Variants in ADGRV1 observed in about 807,000 individuals in gnomAD.
The protein encoded by ADGRV1 is adhesion G protein-coupled receptor V1.
ADGRV1 carries 359 observed loss-of-function variants against 596.2 expected under a neutral mutation model. That is an observed-to-expected ratio of 0.60 (90% CI 0.55 to 0.66). The LOEUF is 0.66. Ranked by LOEUF, ADGRV1 falls within the 30% of genes least tolerant of loss-of-function variation. ADGRV1 has a pLI of 0.00. For missense variants in ADGRV1, 7,274 were observed against 7,575.6 expected (o/e 0.96, Z 1.48); for synonymous variants, 2,681 against 2,679.2 (o/e 1.00, Z -0.02).
intron 38 of ADGRV1, among the ~76,000 whole-genome samples, chr5:90,706,638 T>C (rs562383171): frequency 1.3e-5 from 2 of 151,820 alleles, no homozygotes; most frequent in East Asian, 3.9e-4. Flanking sequence ...ATAACATAAG[T>C]GGTAACATTT....
chr5:90,797,287 C>CAAAAAAAAAAAAAAA (rs780696194), intron 70 of ADGRV1, among the ~76,000 whole-genome samples: 104 of 26,242 alleles, frequency 4.0e-3, no homozygotes, highest in African/African-American at 6.2e-3. Flanking sequence ...AAATGAAAAG[C>CAAAAAAAAAAAAAAA]AAAAAAAAAA....
intron 85 of ADGRV1, among the ~76,000 whole-genome samples, chr5:91,051,704 G>T (rs1393983264): frequency 6.6e-6 from 1 of 151,816 alleles, no homozygotes; most frequent in African/African-American, 2.4e-5. Context: ...CCGCCACCAT[G>T]CCCAGCTAAT....
intron 73 of ADGRV1, among the ~76,000 whole-genome samples, chr5:90,809,293 T>TACACACACACACAC (rs60659185): frequency 0.11 from 14,897 of 134,434 alleles, 993 homozygotes; most frequent in East Asian, 0.15. Context: ...CGGGCATAAA[T>TACACACACACACAC]ACACACACAC....
chr5:91,064,825 C>T (rs1787747495), intron 85 of ADGRV1, among the ~76,000 whole-genome samples: 1 of 152,132 alleles, frequency 6.6e-6, no homozygotes, highest in Non-Finnish European at 1.5e-5. Context: ...AATTAATGTG[C>T]TTAAAGTGTT....
At chr5:90,911,366 C>T (rs1172168935) in intron 83 of ADGRV1, among the ~76,000 whole-genome samples, 1 of 152,106 alleles carries the variant, frequency 6.6e-6, no homozygotes, top group East Asian at 1.9e-4. Flanking sequence ...TAGGAAGCAC[C>T]AGTGTGTCTC....
intron 1 of ADGRV1, among the ~76,000 whole-genome samples, chr5:90,570,007 A>G (rs1756315646): frequency 1.3e-5 from 2 of 152,074 alleles, no homozygotes; most frequent in South Asian, 4.1e-4. Flanking sequence ...GCCATCTTTT[A>G]TATTTATCTG....
intron 85 of ADGRV1, among the ~76,000 whole-genome samples, chr5:91,008,230 C>G (rs1228178672): frequency 6.6e-6 from 1 of 152,054 alleles, no homozygotes; most frequent in Non-Finnish European, 1.5e-5. Flanking sequence ...AGCTGACTTC[C>G]GTGGTCAGGA....
rs1174871731 is a variant in ADGRV1, at chr5:91,011,511, T to G, written c.18152+25989T>G. Among the ~76,000 whole-genome samples the G allele has an allele frequency of 6.6e-5, 10 of 151,966 alleles. No homozygotes were observed. The East Asian group carries it at 1.9e-3, about 29-fold the overall frequency. On this transcript the variant is annotated intron_variant, in intron 85 of 89. Transcript: ENST00000405460. ...TTCTAGGGAATTTCACTCCACATTT[T>G]ACCTCATCTATTTAGAACATTATGA...
intron 86 of ADGRV1, among the ~76,000 whole-genome samples, chr5:91,098,130 G>A (rs543651441): frequency 4.6e-5 from 7 of 152,124 alleles, no homozygotes; most frequent in Non-Finnish European, 8.8e-5. Context: ...TTGAATTATA[G>A]ACAGCAGAGA....
At chr5:90,942,722 A>G (rs945667536) in intron 83 of ADGRV1, among the ~76,000 whole-genome samples, 1 of 152,122 alleles carries the variant, frequency 6.6e-6, no homozygotes, top group Non-Finnish European at 1.5e-5. Flanking sequence ...CTTATTTTTC[A>G]AGAGAAATTG....
intron 83 of ADGRV1, among the ~76,000 whole-genome samples, chr5:90,939,480 C>T (rs11749470): frequency 0.42 from 64,198 of 151,954 alleles, 14,777 homozygotes; most frequent in Non-Finnish European, 0.52. Context: ...ACTCTAGGCT[C>T]ACAGCTGACT....
chr5:91,051,191 A>G (rs573845214), intron 85 of ADGRV1, among the ~76,000 whole-genome samples: 1 of 152,342 alleles, frequency 6.6e-6, no homozygotes, highest in East Asian at 1.9e-4. Context: ...AACTGAAGAT[A>G]CTGATTATAT....
chr5:90,762,387 C>T (rs1756605770), intron 58 of ADGRV1, among the ~76,000 whole-genome samples: 1 of 152,110 alleles, frequency 6.6e-6, no homozygotes, highest in South Asian at 2.1e-4. Context: ...AATAGAAGCT[C>T]ATTTCAGTTT....
intron 41 of ADGRV1, among the ~76,000 whole-genome samples, 186 bp from the exon 42 acceptor site, chr5:90,712,101 T>G (rs1749439818): frequency 6.6e-6 from 1 of 152,184 alleles, no homozygotes. Context: ...TCTTAATTTT[T>G]ACTTTTTAAA....
intron 83 of ADGRV1, among the ~76,000 whole-genome samples, chr5:90,886,528 G>A (rs983533907): frequency 1.3e-5 from 2 of 152,058 alleles, no homozygotes; most frequent in Admixed American, 6.6e-5. Context: ...ATACTCTCTC[G>A]ATAAATGATC....
At chr5:90,675,145 C>T in intron 23 of ADGRV1, 98 bp from the exon 24 acceptor site, 1 of 955,426 alleles carries the variant, frequency 1.0e-6, no homozygotes, top group Non-Finnish European at 1.5e-6. Context: ...AGAATTTTGG[C>T]CTGGTGATCA....
chr5:91,064,423 G>C lies in ADGRV1; in HGVS notation c.18153-8024G>C, dbSNP rs184514850. Among the ~76,000 whole-genome samples, 33 of 152,234 alleles carry C rather than the reference G, an allele frequency of 2.2e-4. 1 individual carries two copies. The East Asian group carries it at 3.7e-3, about 17-fold the overall frequency. ...ATGGGTTCTAGTTATGTTTCAGTGG[G>C]ATAATGCATGTGAGGATTGGGTTTC... On this transcript the variant is annotated intron_variant, in intron 85 of 89. Transcript: ENST00000405460.
At chr5:90,915,746 G>A (rs765201310) in intron 83 of ADGRV1, among the ~76,000 whole-genome samples, 2 of 152,250 alleles carry the variant, frequency 1.3e-5, no homozygotes, top group Middle Eastern at 3.4e-3. Context: ...AAGTTGGCAC[G>A]CTTCATCATT....
intron 22 of ADGRV1, among the ~76,000 whole-genome samples, chr5:90,673,214 A>T (rs1431761201): frequency 6.6e-6 from 1 of 152,132 alleles, no homozygotes; most frequent in Non-Finnish European, 1.5e-5. Context: ...TTTCTAAAAT[A>T]CTGTTCCTGA....
Sources: allele counts gnomAD v4.1 joint callset (sites outside exome capture counted in the v4.1 genomes callset), GRCh38; gene constraint gnomAD v4.1.1; transcripts MANE v1.5; gene names NCBI Gene and HGNC (gene_info 2026-07-23, HGNC 2026-07-21).